AKT3: variants seen among roughly 807,000 people sequenced by gnomAD.
The protein encoded by AKT3 is RAC-gamma serine/threonine-protein kinase.
AKT3 carries 15 observed loss-of-function variants against 65.3 expected under a neutral mutation model. The ratio of observed to expected loss-of-function variants is 0.23; its 90% CI spans 0.15 to 0.35. The LOEUF (loss-of-function observed/expected upper bound fraction) is 0.35, where lower values mean the gene tolerates loss of function less well. Ranked by LOEUF, AKT3 falls within the 10% of genes least tolerant of loss-of-function variation. The probability of loss-of-function intolerance (pLI) is 1.00; values close to 1 mark genes in which losing one functional copy is unlikely to be tolerated. For synonymous variants in AKT3, 206 were observed against 183.8 expected, an observed-to-expected ratio of 1.12 and a Z score of -0.98; for missense variants, 243 against 576.5, an observed-to-expected ratio of 0.42 and a Z score of 5.92.
intron 1 of AKT3, among the ~76,000 whole-genome samples, chr1:243,847,256 T>C (rs1486532277): frequency 6.6e-6 from 1 of 152,192 alleles, no homozygotes; most frequent in African/African-American, 2.4e-5. Context: ...TGCATTTTGT[T>C]GCTCAAATCT....
chr1:243,695,418 G>A (rs1420646012), intron 3 of AKT3, among the ~76,000 whole-genome samples, 173 bp downstream of exon 3: 1 of 151,870 alleles, frequency 6.6e-6, no homozygotes, highest in Non-Finnish European at 1.5e-5. Context: ...AAGACCAAAT[G>A]TTATCGATAA....
chr1:243,805,993 G>T (rs1303802823), intron 2 of AKT3, among the ~76,000 whole-genome samples: 1 of 152,094 alleles, frequency 6.6e-6, no homozygotes, highest in Non-Finnish European at 1.5e-5. Flanking sequence ...GGCATCACTT[G>T]TCTTCCCTAA....
chr1:243,828,944 T>A (rs1393201836), intron 2 of AKT3, among the ~76,000 whole-genome samples: 1 of 152,210 alleles, frequency 6.6e-6, no homozygotes, highest in Non-Finnish European at 1.5e-5. Flanking sequence ...TCCCATGGCA[T>A]GGATAAATCT....
At chr1:243,728,906 A>G (rs993128993) in intron 2 of AKT3, among the ~76,000 whole-genome samples, 1 of 152,180 alleles carries the variant, frequency 6.6e-6, no homozygotes, top group Non-Finnish European at 1.5e-5. Context: ...TGGCCCTCCA[A>G]TAAGTAGGCA....
chr1:243,753,866 G>A (rs1688962541), intron 2 of AKT3, among the ~76,000 whole-genome samples: 1 of 152,160 alleles, frequency 6.6e-6, no homozygotes, highest in Non-Finnish European at 1.5e-5. Flanking sequence ...CTTTTCCCAT[G>A]AAGCCTTCTA....
intron 4 of AKT3, among the ~76,000 whole-genome samples, chr1:243,647,919 T>C (rs1486322881): frequency 2.0e-5 from 3 of 152,208 alleles, no homozygotes; most frequent in African/African-American, 7.2e-5. Flanking sequence ...AGTTCTATTC[T>C]ATTTCTAGCC....
At chr1:243,559,646 C>A (rs1673635197) in intron 10 of AKT3, among the ~76,000 whole-genome samples, 3 of 152,078 alleles carry the variant, frequency 2.0e-5, no homozygotes, top group Admixed American at 2.0e-4. Flanking sequence ...CTTCACCTGT[C>A]TTTATACCAG....
intron 9 of AKT3, 105 bp from the exon 10 acceptor site, chr1:243,563,953 G>T: frequency 1.8e-6 from 2 of 1,140,314 alleles, no homozygotes; most frequent in Non-Finnish European, 2.4e-6. Flanking sequence ...TTGGAAACAG[G>T]ACATAGTTGT....
At chr1:243,653,851 G>A (rs1572107832) in intron 4 of AKT3, among the ~76,000 whole-genome samples, 1 of 152,064 alleles carries the variant, frequency 6.6e-6, no homozygotes, top group East Asian at 1.9e-4. Context: ...ATATAATACG[G>A]CAATCCATTC....
At chr1:243,777,005 C>G (rs538256722) in intron 2 of AKT3, among the ~76,000 whole-genome samples, 5 of 152,164 alleles carry the variant, frequency 3.3e-5, no homozygotes, top group African/African-American at 7.2e-5. Flanking sequence ...AAGTGTTACC[C>G]GAGTGGGTTA....
In AKT3 at chr1:243,613,764, G is replaced by A. The variant is rs2168812; in HGVS notation, c.628-25C>T. The A allele has an allele frequency of 0.19, 288,643 of 1,491,256 alleles. 28,638 individuals carry two copies. Among genetic ancestry groups the A allele is most frequent in the African/African-American group, 0.28 (19,866 of 71,166 alleles). The allele number at this position is 1,491,256 out of a possible 1,614,324, so 92.4% of individuals were successfully genotyped here. On this transcript the variant is annotated intron_variant, in intron 7 of 13. Coordinates refer to ENST00000673466, the MANE Select transcript of AKT3 (RefSeq NM_005465.7). ...ACTTGAAATAAAAAAAAGAAAAAAT[G>A]TTACATTATAATCCTGTATTCTTAT...
Position 243,562,457 on chromosome 1 carries a change from G to T in AKT3, c.948+1263C>A, listed in dbSNP as rs187941966. Among the ~76,000 whole-genome samples the T allele has an allele frequency of 3.2e-3, 494 of 152,260 alleles. 4 individuals carry two copies. The highest frequency in any genetic ancestry group is 0.012 in the African/African-American group (490 of 41,548). On this transcript the variant is annotated intron_variant, in intron 10 of 13. Coordinates refer to ENST00000673466, the MANE Select transcript of AKT3 (RefSeq NM_005465.7). ...CAAAGTGTGTATTTTAAAAGAGTAA[G>T]TTTTATGGCATATGAATTGTACTCC...
intron 2 of AKT3, among the ~76,000 whole-genome samples, chr1:243,803,645 T>TACACACACACAC (rs72379577): frequency 7.3e-6 from 1 of 136,628 alleles, no homozygotes; most frequent in Non-Finnish European, 1.6e-5. Flanking sequence ...GACGTACATG[T>TACACACACACAC]ACACACACAC....
intron 2 of AKT3, among the ~76,000 whole-genome samples, chr1:243,771,083 G>T (rs138635800): frequency 6.6e-6 from 1 of 152,290 alleles, no homozygotes; most frequent in Non-Finnish European, 1.5e-5. Flanking sequence ...GGGAAATGCT[G>T]TTTGTGCAAA....
Position 243,512,367 on chromosome 1 carries a change from T to C in AKT3, c.1311A>G (p.Glu437=). 1 of 1,588,840 alleles carries C rather than the reference T, an allele frequency of 6.3e-7. No homozygotes were observed. The highest frequency in any genetic ancestry group is 8.6e-7 in the Non-Finnish European group (1 of 1,165,320). ...TTGTAATAGTCTGAGCTGTAAATTCTTCATCAAAATATCTAGTATCTGTCT... is the reference window on the plus strand; with the variant it reads ...TTGTAATAGTCTGAGCTGTAAATTCCTCATCAAAATATCTAGTATCTGTCT... ...TSETDTRYFD[E]EFTAQTITIT... is the part of the protein sequence containing the mutation. Residue 437 remains glutamate, a synonymous_variant, in exon 13 of 14, where the codon GAA becomes GAG. Transcript: ENST00000673466.
chr1:243,655,103 T>G (rs114116341), intron 4 of AKT3, among the ~76,000 whole-genome samples: 2,603 of 152,276 alleles, frequency 0.017, 67 homozygotes, highest in African/African-American at 0.06. Flanking sequence ...TTACATTCTA[T>G]TCTTAATTAT....
intron 8 of AKT3, among the ~76,000 whole-genome samples, chr1:243,600,647 T>C (rs1268133954): frequency 6.6e-6 from 1 of 152,116 alleles, no homozygotes; most frequent in Non-Finnish European, 1.5e-5. Context: ...GCAGTATACA[T>C]TAAAATTAAC....
At chr1:243,752,825 C>T (rs974613412) in intron 2 of AKT3, among the ~76,000 whole-genome samples, 12 of 152,210 alleles carry the variant, frequency 7.9e-5, no homozygotes, top group Non-Finnish European at 1.8e-4. Flanking sequence ...CTAGTTAGTA[C>T]CATTAAATCA....
At chr1:243,540,542 CAT>C (rs1480925167) in intron 12 of AKT3, among the ~76,000 whole-genome samples, 1 of 152,110 alleles carries the variant, frequency 6.6e-6, no homozygotes, top group Admixed American at 6.6e-5. Context: ...ATATAGTACA[CAT>C]AGTTACCATA....
Sources: gnomAD v4.1 joint callset for allele counts (sites outside exome capture counted in the v4.1 genomes callset) on GRCh38, gnomAD v4.1.1 for gene constraint, MANE v1.5 for transcripts, NCBI Gene and HGNC (gene_info 2026-07-23, HGNC 2026-07-21) for gene names.